The following ALPK1 variants were observed in gnomAD, a reference collection of about 807,000 sequenced individuals.
ALPK1 encodes alpha-protein kinase 1.
In ALPK1, 110 loss-of-function variants were observed where a neutral mutation model predicts 120.6. The observed-to-expected ratio is 0.91, with a 90% CI of 0.78 to 1.07. The LOEUF is 1.07. ALPK1 is among the 50% of genes least tolerant of loss of function. ALPK1 has a pLI of 0.00. For missense variants in ALPK1, 1,498 were observed against 1,483.9 expected (o/e 1.01, Z -0.16); for synonymous variants, 582 against 560.3 (o/e 1.04, Z -0.55).
Position 112,431,094 on chromosome 4 carries a change from C to T in ALPK1, c.1547C>T (p.Thr516Ile), listed in dbSNP as rs767279258. 1.9e-6 allele frequency: 3 copies of T among 1,614,066 alleles called. No individual in the cohort carries two copies. The highest frequency in any genetic ancestry group is 2.5e-6 in the Non-Finnish European group (3 of 1,180,054). Reference protein sequence around the residue: ...TQEKPHCQRDTGISSSLMGKN... With the variant: ...TQEKPHCQRDIGISSSLMGKN... ...GAAAAGCCACATTGTCAAAGAGACA[C>T]AGGAATATCTTCCTCCCTAATGGGT... Residue 516 changes from threonine (T) to isoleucine (I), a missense_variant, in exon 11 of 16, where the codon ACA (threonine) becomes ATA (isoleucine). By Grantham distance (89) the Thr-to-Ile change is moderately conservative. Transcript: ENST00000650871.
chr4:112,322,150 TCA>T (rs1728892427), intron 2 of ALPK1, among the ~76,000 whole-genome samples: 1 of 152,212 alleles, frequency 6.6e-6, no homozygotes, highest in Admixed American at 6.5e-5. Flanking sequence ...ATAAACATTG[TCA>T]CAGAATTTTC....
At chr4:112,304,523 T>C (rs1578444266) in intron 1 of ALPK1, among the ~76,000 whole-genome samples, 1 of 152,170 alleles carries the variant, frequency 6.6e-6, no homozygotes, top group Admixed American at 6.5e-5. Flanking sequence ...TTTTTTCATG[T>C]GTCTGTTGGC....
chr4:112,384,097 A>G (rs1732045827), intron 4 of ALPK1: 1 of 152,256 alleles, frequency 6.6e-6, no homozygotes, highest in South Asian at 2.1e-4. Context: ...GTTCTCCTGT[A>G]TTACCATTAT....
intron 4 of ALPK1, among the ~76,000 whole-genome samples, chr4:112,389,862 C>T (rs1732326133): frequency 6.6e-6 from 1 of 152,194 alleles, no homozygotes; most frequent in South Asian, 2.1e-4. Flanking sequence ...TTGTCACTTT[C>T]CTCTCCCTTG....
chr4:112,380,164 C>T (rs1731837866), intron 3 of ALPK1, among the ~76,000 whole-genome samples: 1 of 152,146 alleles, frequency 6.6e-6, no homozygotes, highest in Non-Finnish European at 1.5e-5. Flanking sequence ...CAGGATGGTC[C>T]TAAGCAAACA....
chr4:112,395,965 G>A (rs1416727255), intron 4 of ALPK1, among the ~76,000 whole-genome samples: 1 of 151,874 alleles, frequency 6.6e-6, no homozygotes, highest in Non-Finnish European at 1.5e-5. Context: ...GTTAATCAGA[G>A]GATTTTTTTT....
At chr4:112,357,699 C>G in intron 2 of ALPK1, 1 of 1,576,898 alleles carries the variant, frequency 6.3e-7, no homozygotes. Flanking sequence ...AGTTGAGCTC[C>G]GCGTTTGACA....
chr4:112,439,720 G>C lies in ALPK1; in HGVS notation c.3386G>C (p.Ser1129Thr). 6.2e-7 allele frequency: 1 copy of C among 1,612,344 alleles called. No individual in the cohort carries two copies. Among genetic ancestry groups the C allele is most frequent in the South Asian group, 1.1e-5 (1 of 90,844 alleles). Residue 1129 changes from serine to threonine, a missense_variant, in exon 14 of 16, where the codon AGT becomes ACT. By Grantham distance (58) the Ser-to-Thr change is moderately conservative. Coordinates refer to ENST00000650871, the MANE Select transcript of ALPK1 (RefSeq NM_025144.4). ...LEDKTIKGCI[S>T]VEPYILGEFV... is the part of the protein sequence containing the mutation. The stretch of plus-strand genomic sequence containing the variant: ...GACAAGACAATAAAGGGATGTATCA[G>C]TGTGGAGCCTTACATACTGGGAGAA...
At chr4:112,367,266 T>C (rs1393909063) in intron 2 of ALPK1, among the ~76,000 whole-genome samples, 1 of 152,184 alleles carries the variant, frequency 6.6e-6, no homozygotes, top group Admixed American at 6.5e-5. Context: ...CCAACTGTAA[T>C]TTGAAAAACA....
At chr4:112,430,340 T>G in intron 10 of ALPK1, 108 bp from the exon 11 acceptor site, 1 of 1,145,236 alleles carries the variant, frequency 8.7e-7, no homozygotes, top group Non-Finnish European at 1.2e-6. Flanking sequence ...CATGTGTTCA[T>G]TTTTCTATAA....
chr4:112,349,555 C>A (rs992842159), intron 2 of ALPK1, among the ~76,000 whole-genome samples: 3 of 142,584 alleles, frequency 2.1e-5, no homozygotes, highest in Admixed American at 6.9e-5. Flanking sequence ...ACCCCTGCCC[C>A]CCCCCGCTTT....
Position 112,377,876 on chromosome 4 carries a change from G to A in ALPK1, c.99G>A (p.Lys33=). The stretch of plus-strand genomic sequence containing the variant: ...CGCCAGATGTGTCGGAAGAGGACAA[G>A]AGCGAGGACCAGCGCTGCAGAGGTG... ...LEAPDVSEED[K]SEDQRCRALL... Residue 33 remains lysine (K), a synonymous_variant, in exon 3 of 16, where the codon AAG becomes AAA. Transcript: ENST00000650871. The A allele has an allele frequency of 6.2e-7, 1 of 1,613,222 alleles. No homozygotes were observed.
intron 5 of ALPK1, among the ~76,000 whole-genome samples, chr4:112,417,984 C>T (rs1733815588): frequency 6.6e-6 from 1 of 152,088 alleles, no homozygotes; most frequent in African/African-American, 2.4e-5. Context: ...AAGTTCAATA[C>T]AAAGAATTAC....
intron 2 of ALPK1, among the ~76,000 whole-genome samples, chr4:112,365,669 A>G (rs1045086702): frequency 4.6e-5 from 7 of 152,176 alleles, no homozygotes; most frequent in Admixed American, 3.3e-4. Flanking sequence ...TCCCATCAAA[A>G]TACTGCCATC....
At chr4:112,303,519 A>G (rs1203623145) in intron 1 of ALPK1, among the ~76,000 whole-genome samples, 4 of 152,184 alleles carry the variant, frequency 2.6e-5, no homozygotes, top group African/African-American at 7.2e-5. Flanking sequence ...TTTTGAATCT[A>G]CCATATCGAT....
chr4:112,427,777 GC>G (rs1391452769), intron 9 of ALPK1, 112 bp downstream of exon 9: 1 of 737,014 alleles, frequency 1.4e-6, no homozygotes, highest in Non-Finnish European at 2.3e-6. Flanking sequence ...GCTCAGTGCT[GC>G]GCCTCCTAGA....
In ALPK1 at chr4:112,308,811, G is replaced by A. The variant is rs185887148; in HGVS notation, c.-152-6990G>A. ...GGAGAGGAGCTGCGTTCCTTTGGAG[G>A]GGGAGGGGCGCTCTGATTTTTAGAA... On this transcript the variant is annotated intron_variant, in intron 1 of 15. Transcript: ENST00000650871. Among the ~76,000 whole-genome samples, 266 of 152,218 alleles carry A rather than the reference G, an allele frequency of 1.7e-3. 5 individuals carry two copies. The highest frequency in any genetic ancestry group is 6.1e-3 in the African/African-American group (251 of 41,466).
At position 112,423,919 on chromosome 4, in the gene ALPK1, G is replaced by A. The variant is rs757452670; in HGVS notation, c.476-25G>A. ...TAAGTGCATGTTCAAAGCTAATTGT[G>A]TGGCATTTGGTTGCTGCTTTTCAGG... On this transcript the variant is annotated intron_variant, in intron 5 of 15. Coordinates refer to ENST00000650871, the MANE Select transcript of ALPK1 (RefSeq NM_025144.4). 6 of 1,613,290 alleles carry A rather than the reference G, an allele frequency of 3.7e-6. No individual in the cohort carries two copies. In the East Asian group the frequency reaches 1.3e-4, roughly 36 times the overall value.
At chr4:112,424,991 C>T (rs1734173644) in intron 6 of ALPK1, 1 of 152,338 alleles carries the variant, frequency 6.6e-6, no homozygotes, top group Non-Finnish European at 1.5e-5. Flanking sequence ...CCCTTTCATC[C>T]ACACACCCAA....
Sources: gnomAD v4.1 joint callset for allele counts (sites outside exome capture counted in the v4.1 genomes callset) on GRCh38, gnomAD v4.1.1 for gene constraint, MANE v1.5 for transcripts, NCBI Gene and HGNC (gene_info 2026-07-23, HGNC 2026-07-21) for gene names.